Variants in UBE2E2 observed in about 807,000 individuals in gnomAD.
UBE2E2 encodes the protein ubiquitin conjugating enzyme E2 E2.
Under a neutral mutation model 24.7 loss-of-function variants are expected in UBE2E2, and 6 were observed. The ratio of observed to expected loss-of-function variants is 0.24; its 90% CI spans 0.13 to 0.48. The LOEUF (loss-of-function observed/expected upper bound fraction) is 0.48. UBE2E2 is among the 20% of genes least tolerant of loss of function. The probability of loss-of-function intolerance (pLI) is 0.99; values close to 1 mark genes in which losing one functional copy is unlikely to be tolerated. For synonymous variants in UBE2E2, 104 were observed against 83.6 expected, an observed-to-expected ratio of 1.24 and a Z score of -1.33; for missense variants, 169 against 245.0, an observed-to-expected ratio of 0.69 and a Z score of 2.07.
At chr3:23,264,260 A>ATTTCG (rs1697981984) in intron 3 of UBE2E2, among the ~76,000 whole-genome samples, 1 of 151,826 alleles carries the variant, frequency 6.6e-6, no homozygotes, top group Non-Finnish European at 1.5e-5. Flanking sequence ...GAGAAAGAAC[A>ATTTCG]TTTTACTGTT....
At chr3:23,588,410 G>GTTTTTTTTTTTTTTTTTTTTT in intron 5 of UBE2E2, among the ~76,000 whole-genome samples, 1 of 130,064 alleles carries the variant, frequency 7.7e-6, no homozygotes, top group Non-Finnish European at 1.6e-5. Context: ...TTGTTTTTTT[G>GTTTTTTTTTTTTTTTTTTTTT]TTTTTTTTTT....
At chr3:23,525,374 G>A (rs1694970469) in intron 4 of UBE2E2, among the ~76,000 whole-genome samples, 1 of 152,108 alleles carries the variant, frequency 6.6e-6, no homozygotes, top group Non-Finnish European at 1.5e-5. Flanking sequence ...GCAGGTGTTG[G>A]GTGTGTGTTT....
At chr3:23,386,440 A>G (rs1171388611) in intron 3 of UBE2E2, among the ~76,000 whole-genome samples, 1 of 152,210 alleles carries the variant, frequency 6.6e-6, no homozygotes, top group Non-Finnish European at 1.5e-5. Flanking sequence ...TAGCGGGGAC[A>G]CGAACATTCG....
At chr3:23,303,819 A>G (rs1699170965) in intron 3 of UBE2E2, among the ~76,000 whole-genome samples, 1 of 152,192 alleles carries the variant, frequency 6.6e-6, no homozygotes, top group Non-Finnish European at 1.5e-5. Context: ...GAAGTATAAT[A>G]ATTAACTTCT....
At chr3:23,454,764 T>C (rs1698639012) in intron 3 of UBE2E2, among the ~76,000 whole-genome samples, 1 of 152,238 alleles carries the variant, frequency 6.6e-6, no homozygotes, top group African/African-American at 2.4e-5. Flanking sequence ...ATACTATTTT[T>C]TGATAGCATA....
chr3:23,291,818 A>T (rs1279324592), intron 3 of UBE2E2, among the ~76,000 whole-genome samples: 1 of 140,574 alleles, frequency 7.1e-6, no homozygotes, highest in Admixed American at 7.3e-5. Context: ...GAGTAACTGG[A>T]ATTACAGATG....
At chr3:23,203,501 G>A in intron 1 of UBE2E2, 37 bp downstream of exon 1, 5 of 945,172 alleles carry the variant, frequency 5.3e-6, no homozygotes, top group Non-Finnish European at 2.4e-6. Flanking sequence ...TCCCCTCCTC[G>A]GGCGTCCTCC....
At chr3:23,549,370 T>C (rs901978390) in intron 5 of UBE2E2, among the ~76,000 whole-genome samples, 4 of 152,220 alleles carry the variant, frequency 2.6e-5, no homozygotes, top group African/African-American at 4.8e-5. Flanking sequence ...GCAAACCTTA[T>C]GATGCCTATT....
At chr3:23,588,482 T>A (rs1043652396) in intron 5 of UBE2E2, among the ~76,000 whole-genome samples, 33 of 150,444 alleles carry the variant, frequency 2.2e-4, no homozygotes, top group African/African-American at 7.9e-4. Context: ...GGTGGCACGA[T>A]CATAGCTCAC....
At chr3:23,312,897 G>C (rs1370838623) in intron 3 of UBE2E2, among the ~76,000 whole-genome samples, 1 of 152,030 alleles carries the variant, frequency 6.6e-6, no homozygotes, top group Non-Finnish European at 1.5e-5. Context: ...TGTTTATATA[G>C]TTTTAAAAAT....
At chr3:23,541,897 CAT>C (rs1174312451) in intron 5 of UBE2E2, among the ~76,000 whole-genome samples, 1 of 152,204 alleles carries the variant, frequency 6.6e-6, no homozygotes, top group African/African-American at 2.4e-5. Flanking sequence ...ATTGTGACCA[CAT>C]GTGTACTCCA....
At chr3:23,574,743 T>G (rs1696308000) in intron 5 of UBE2E2, among the ~76,000 whole-genome samples, 1 of 152,144 alleles carries the variant, frequency 6.6e-6, no homozygotes, top group Non-Finnish European at 1.5e-5. Context: ...AAGAAAACAC[T>G]TTCTCAATAT....
intron 3 of UBE2E2, among the ~76,000 whole-genome samples, chr3:23,345,383 A>G (rs569297351): frequency 3.3e-5 from 5 of 152,314 alleles, no homozygotes; most frequent in South Asian, 2.1e-4. Context: ...GCAGTTTTCA[A>G]TATAATAGAT....
At chr3:23,301,099 G>C (rs1699069849) in intron 3 of UBE2E2, among the ~76,000 whole-genome samples, 1 of 152,010 alleles carries the variant, frequency 6.6e-6, no homozygotes, top group African/African-American at 2.4e-5. Flanking sequence ...TTCTGCATTT[G>C]TCACGTAGCT....
intron 3 of UBE2E2, among the ~76,000 whole-genome samples, chr3:23,312,777 T>C (rs1694447483): frequency 6.6e-6 from 1 of 152,192 alleles, no homozygotes; most frequent in Non-Finnish European, 1.5e-5. Context: ...CCCATAGGTT[T>C]TGCTGTGTTG....
At chr3:23,380,627 G>C (rs1696646147) in intron 3 of UBE2E2, among the ~76,000 whole-genome samples, 1 of 152,150 alleles carries the variant, frequency 6.6e-6, no homozygotes, top group Non-Finnish European at 1.5e-5. Flanking sequence ...TGATTTCCCT[G>C]ACCTTAATTT....
intron 3 of UBE2E2, among the ~76,000 whole-genome samples, chr3:23,331,357 A>G (rs1695053081): frequency 6.6e-6 from 1 of 152,242 alleles, no homozygotes; most frequent in African/African-American, 2.4e-5. Context: ...CAAAGAAAAC[A>G]AAGTACTGCC....
At chr3:23,349,534 ACTG>A (rs544481632) in intron 3 of UBE2E2, among the ~76,000 whole-genome samples, 27 of 152,172 alleles carry the variant, frequency 1.8e-4, no homozygotes, top group Non-Finnish European at 2.9e-4. Flanking sequence ...CCATCCTAAT[ACTG>A]CGCTTTTCTG....
At chr3:23,442,114 CAT>C (rs368252370) in intron 3 of UBE2E2, among the ~76,000 whole-genome samples, 1 of 152,058 alleles carries the variant, frequency 6.6e-6, no homozygotes, top group African/African-American at 2.4e-5. Flanking sequence ...AGTAAAAGAA[CAT>C]ATGTATATTT....
Sources: allele counts gnomAD v4.1 joint callset (sites outside exome capture counted in the v4.1 genomes callset), GRCh38; gene constraint gnomAD v4.1.1; transcripts MANE v1.5; gene names NCBI Gene and HGNC (gene_info 2026-07-23, HGNC 2026-07-21).